DNAH1: variants seen among roughly 807,000 people sequenced by gnomAD.
DNAH1 encodes the protein axonemal beta dynein heavy chain 1.
A neutral mutation model predicts 484.3 loss-of-function variants in DNAH1; 327 were observed. That is an observed-to-expected ratio of 0.68 (90% CI 0.62 to 0.74). The LOEUF is 0.74. DNAH1 is among the 30% of genes least tolerant of loss of function. DNAH1 has a pLI of 0.00. For missense variants in DNAH1, 5,052 were observed against 5,546.8 expected, an observed-to-expected ratio of 0.91 and a Z score of 2.83; for synonymous variants, 2,192 against 2,191.9, an observed-to-expected ratio of 1.00 and a Z score of 0.00.
At chr3:52,383,713 GC>G (rs898454441) in intron 51 of DNAH1, 119 bp downstream of exon 51, 6 of 1,407,988 alleles carry the variant, frequency 4.3e-6, no homozygotes, top group Non-Finnish European at 5.7e-6. Flanking sequence ...GCGGCCCTGG[GC>G]CTGGCCATCA....
At chr3:52,318,088 G>C (rs1017745918) in intron 1 of DNAH1, among the ~76,000 whole-genome samples, 4 of 152,212 alleles carry the variant, frequency 2.6e-5, no homozygotes, top group African/African-American at 7.2e-5. Context: ...GTCTCGCTCT[G>C]TCGCCCAGGC....
At chr3:52,386,601 G>A (rs1192918507) in intron 55 of DNAH1, 61 bp from the exon 56 acceptor site, 6 of 1,471,512 alleles carry the variant, frequency 4.1e-6, no homozygotes, top group Non-Finnish European at 5.4e-6. Context: ...TTCTGGCAGG[G>A]TCCCTGCCGA....
chr3:52,359,773 G>C, intron 26 of DNAH1, 143 bp from the exon 27 acceptor site: 1 of 1,113,378 alleles, frequency 9.0e-7, no homozygotes, highest in Non-Finnish European at 1.3e-6. Context: ...CCCCTGCCCG[G>C]TCCCTGCTCC....
chr3:52,313,617 C>T (rs144700707), upstream of DNAH1, among the ~76,000 whole-genome samples: 2 of 152,218 alleles, frequency 1.3e-5, no homozygotes, highest in East Asian at 3.9e-4. Context: ...GTCCCTAGGC[C>T]AAAGCAGGCA....
In DNAH1 at chr3:52,353,140, C is replaced by T; in HGVS notation, c.3065C>T (p.Pro1022Leu). 1 of 1,613,680 alleles carries T rather than the reference C, an allele frequency of 6.2e-7. No individual in the cohort carries two copies. Among genetic ancestry groups the T allele is most frequent in the South Asian group, 1.1e-5 (1 of 91,050 alleles). Residue 1022 changes from proline (P) to leucine (L), a missense_variant, in exon 19 of 78, where the codon CCC becomes CTC. Pro to Leu is a moderately conservative substitution (Grantham distance 98). Transcript: ENST00000420323. This position sits in a 1 kb window ranked among gnomAD's most constrained non-coding sequence, Gnocchi z 5.0. ...KLSRMVKEFQ[P>L]YLDLWTTASD... is the part of the protein sequence containing the mutation. ...TCCAGGATGGTGAAGGAGTTCCAAC[C>T]CTACCTGGACCTTTGGACCACAGCG... is the stretch of plus-strand genomic sequence containing the variant.
intron 70 of DNAH1, among the ~76,000 whole-genome samples, 200 bp from the exon 71 acceptor site, chr3:52,396,168 C>T (rs1000587353): frequency 6.6e-6 from 1 of 152,130 alleles, no homozygotes; most frequent in African/African-American, 2.4e-5. Context: ...CTCCTGACCT[C>T]GTGATTCGCC....
intron 66 of DNAH1, 66 bp downstream of exon 66, chr3:52,393,551 G>A: frequency 6.3e-7 from 1 of 1,590,546 alleles, no homozygotes; most frequent in African/African-American, 1.3e-5. Flanking sequence ...CTGAGAACAG[G>A]GTGGAAGGAA....
At chr3:52,386,994 C>A in intron 56 of DNAH1, 141 bp downstream of exon 56, 1 of 919,466 alleles carries the variant, frequency 1.1e-6, no homozygotes, top group Non-Finnish European at 1.6e-6. Context: ...TGTCCACCTC[C>A]ACACCACCAG....
At chr3:52,346,067 T>C (rs528268346) in intron 10 of DNAH1, among the ~76,000 whole-genome samples, 6 of 152,100 alleles carry the variant, frequency 3.9e-5, no homozygotes, top group African/African-American at 1.4e-4. Context: ...GAGGTGGGGG[T>C]GCACCCCCTC....
Position 52,353,259 on chromosome 3 carries a change from A to C in DNAH1, c.3184A>C (p.Lys1062Gln). 6.2e-7 allele frequency: 1 copy of C among 1,613,988 alleles called. No individual in the cohort carries two copies. Among genetic ancestry groups the C allele is most frequent in the South Asian group, 1.1e-5 (1 of 91,080 alleles). Residue 1062 changes from lysine to glutamine, a missense_variant, in exon 19 of 78, where the codon AAG (lysine) becomes CAG (glutamine). By Grantham distance (53) the Lys-to-Gln change is moderately conservative. Transcript: ENST00000420323. The surrounding 1 kb of genome is among the most constrained non-coding windows in gnomAD (Gnocchi z 5.0). ...GGAGAAGAACGTGGTTGAAGCCTTCAAGACCATGCACAAGTGCGTGAAGCA... is the reference window on the plus strand; with the variant it reads ...GGAGAAGAACGTGGTTGAAGCCTTCCAGACCATGCACAAGTGCGTGAAGCA... ...QLEKNVVEAFKTMHKCVKQFK... is the reference protein window; with the variant it reads ...QLEKNVVEAFQTMHKCVKQFK...
At chr3:52,374,033 A>G in intron 44 of DNAH1, 2 of 1,015,188 alleles carry the variant, frequency 2.0e-6, no homozygotes, top group South Asian at 1.3e-5. Context: ...GAAGAAATAT[A>G]TTGATCAGAA....
In DNAH1 at chr3:52,385,332, C is replaced by G. The variant is rs751315505; in HGVS notation, c.8515-5C>G. 10 of 1,551,808 alleles carry G rather than the reference C, an allele frequency of 6.4e-6. No individual in the cohort carries two copies. The highest frequency in any genetic ancestry group is 1.4e-5 in the African/African-American group (1 of 73,070). ...CTGTTTTCCTGTCTCTGCCCTGACC[C>G]CTAGCTGCTGCGCACTTCTGAGGAT... On this transcript the variant is annotated splice_region_variant and splice_polypyrimidine_tract_variant and intron_variant, in intron 53 of 77. Transcript: ENST00000420323.
rs550893862 is a variant in DNAH1, at chr3:52,364,022, T to C, written c.5245-616T>C. ...GGAAATGCACTCAACTCTTCCCAAA[T>C]AGAAATGACCCAAAGTCAAGCCCAG... On this transcript the variant is annotated intron_variant, in intron 32 of 77. Coordinates refer to ENST00000420323, the MANE Select transcript of DNAH1 (RefSeq NM_015512.5). The surrounding 1 kb of genome is among the most constrained non-coding windows in gnomAD (Gnocchi z 4.2). 7.9e-5 allele frequency among the ~76,000 whole-genome samples: 12 copies of C among 152,204 alleles called. No individual in the cohort carries two copies. The East Asian group carries it at 1.4e-3, about 17-fold the overall frequency.
intron 4 of DNAH1, 69 bp downstream of exon 4, chr3:52,326,383 C>A: frequency 6.6e-7 from 1 of 1,512,200 alleles, no homozygotes; most frequent in East Asian, 2.3e-5. Context: ...GGATGAGGAA[C>A]TGCAGATCAC....
Position 52,361,074 on chromosome 3 carries a change from G to A in DNAH1, c.4686-90G>A. On this transcript the variant is annotated intron_variant, in intron 28 of 77. Coordinates refer to ENST00000420323, the MANE Select transcript of DNAH1 (RefSeq NM_015512.5). The surrounding 1 kb of genome is among the most constrained non-coding windows in gnomAD (Gnocchi z 5.6). ...CCCCAGCCCACCAAAAGGGGACGGG[G>A]CGAGAGGCCCCAGTCCACAGGAAAT... 7 of 1,277,618 alleles carry A rather than the reference G, an allele frequency of 5.5e-6. No individual in the cohort carries two copies. Among genetic ancestry groups the A allele is most frequent in the Non-Finnish European group, 7.1e-6 (7 of 982,346 alleles). 79.1% of individuals were successfully genotyped at this position (1,277,618 alleles called of 1,614,324 possible).
At chr3:52,373,116 G>C in intron 44 of DNAH1, 63 bp downstream of exon 44, 2 of 1,513,020 alleles carry the variant, frequency 1.3e-6, no homozygotes, top group Non-Finnish European at 8.8e-7. Context: ...GGCACAGGAG[G>C]CACAGCACTG....
Position 52,360,899 on chromosome 3 carries a change from T to C in DNAH1, c.4686-265T>C, listed in dbSNP as rs144018086. 3.7e-3 allele frequency among the ~76,000 whole-genome samples: 567 copies of C among 152,158 alleles called. 4 individuals carry two copies. Among genetic ancestry groups the C allele is most frequent in the South Asian group, 0.023 (110 of 4,816 alleles). On this transcript the variant is annotated intron_variant, in intron 28 of 77. Transcript: ENST00000420323. ...CACTAGCTGGATTTTCAAGCTGTGT[T>C]TTGAGTGAGGGAAGTGAAGTGTGGC...
At chr3:52,399,295 A>T in intron 76 of DNAH1, 94 bp downstream of exon 76, 1 of 1,320,010 alleles carries the variant, frequency 7.6e-7, no homozygotes, top group Non-Finnish European at 1.0e-6. Flanking sequence ...CAGTTGGGGG[A>T]CCCCTAAGCC....
intron 43 of DNAH1, 122 bp downstream of exon 43, chr3:52,372,509 G>A: frequency 7.3e-7 from 1 of 1,360,702 alleles, no homozygotes; most frequent in Non-Finnish European, 9.9e-7. Context: ...AGGGGGAGCT[G>A]ACAGCCCCCC....
Sources: allele counts gnomAD v4.1 joint callset (sites outside exome capture counted in the v4.1 genomes callset), GRCh38; gene constraint gnomAD v4.1.1; non-coding constraint Gnocchi (gnomAD v3.1); transcripts MANE v1.5; gene names NCBI Gene and HGNC (gene_info 2026-07-23, HGNC 2026-07-21).